Variants in TMEM207 observed in about 807,000 individuals in gnomAD.
The protein encoded by TMEM207 is SRSR846.
In TMEM207, 15 loss-of-function variants were observed where a neutral mutation model predicts 17.4. The observed-to-expected ratio is 0.86, with a 90% confidence interval of 0.58 to 1.33. The LOEUF is 1.33. Ranked by LOEUF, TMEM207 falls within the 40% of genes most tolerant of loss-of-function variation. TMEM207 has a pLI of 0.00. For synonymous variants in TMEM207, 70 were observed against 65.6 expected, an observed-to-expected ratio of 1.07 and a Z score of -0.33; for missense variants, 205 against 173.8, an observed-to-expected ratio of 1.18 and a Z score of -1.01.
At chr3:190,439,644 T>C (rs895202890) in intron 4 of TMEM207, among the ~76,000 whole-genome samples, 52 of 152,214 alleles carry the variant, frequency 3.4e-4, no homozygotes, top group African/African-American at 1.2e-3. Context: ...TTTCCTCTGT[T>C]CTTTACTTCC....
At chr3:190,440,130 A>G (rs964665703) in intron 4 of TMEM207, 114 bp downstream of exon 4, 13 of 1,315,238 alleles carry the variant, frequency 9.9e-6, no homozygotes, top group African/African-American at 8.9e-5. Flanking sequence ...GGTGTCTCCA[A>G]TAAGCCACAT....
rs1400422559 is a variant in TMEM207 at position 190,429,326 on chromosome 3, T to C, written c.*269A>G. 2.7e-6 allele frequency: 1 copy of C among 376,086 alleles called. No homozygotes were observed. The highest frequency in any genetic ancestry group is 4.8e-6 in the Non-Finnish European group (1 of 206,194). 23.3% of individuals were successfully genotyped at this position (376,086 alleles called of 1,614,324 possible). A position where few individuals can be genotyped will look rare whatever the true frequency, so the allele number is the denominator to read the frequency against. Reference sequence around the variant, plus strand: ...ACTTCCAGCACCTAATTGTTGCCTGTTTGGATACTAGTGGAGAAGCATTAA... The same window carrying C: ...ACTTCCAGCACCTAATTGTTGCCTGCTTGGATACTAGTGGAGAAGCATTAA... On this transcript the variant is annotated 3_prime_UTR_variant, in exon 5 of 5. Transcript: ENST00000354905.
chr3:190,435,740 T>C (rs186499733), intron 4 of TMEM207, among the ~76,000 whole-genome samples: 3 of 152,186 alleles, frequency 2.0e-5, no homozygotes, highest in Admixed American at 1.3e-4. Context: ...AGCAGAGTAC[T>C]GTGAAAAGAC....
At chr3:190,449,655 T>G in intron 1 of TMEM207, 80 bp downstream of exon 1, 1 of 1,310,460 alleles carries the variant, frequency 7.6e-7, no homozygotes. Context: ...GTTGCTCACA[T>G]ATAAATCTAT....
intron 2 of TMEM207, among the ~76,000 whole-genome samples, chr3:190,443,426 C>T (rs115515634): frequency 0.023 from 3,539 of 151,938 alleles, 62 homozygotes; most frequent in South Asian, 0.06. Context: ...GCTGGTGCAC[C>T]CTCTGGTGGA....
chr3:190,437,434 G>A (rs911926747), intron 4 of TMEM207, among the ~76,000 whole-genome samples: 10 of 152,148 alleles, frequency 6.6e-5, no homozygotes, highest in African/African-American at 2.4e-4. Flanking sequence ...ATAAATAACA[G>A]TCACTTTTCC....
At chr3:190,439,260 A>AG (rs1719878246) in intron 4 of TMEM207, among the ~76,000 whole-genome samples, 1 of 151,992 alleles carries the variant, frequency 6.6e-6, no homozygotes, top group Non-Finnish European at 1.5e-5. Flanking sequence ...TTGAAGGAAA[A>AG]AAAAAAAGCT....
At chr3:190,434,271 C>T (rs527681351) in intron 4 of TMEM207, among the ~76,000 whole-genome samples, 2 of 152,164 alleles carry the variant, frequency 1.3e-5, no homozygotes, top group Non-Finnish European at 2.9e-5. Context: ...ACCTGTACTC[C>T]CATAATTCCC....
intron 2 of TMEM207, among the ~76,000 whole-genome samples, chr3:190,443,145 C>CTTTTTTTTTTTTTTTTTTTTTT (rs201791052): frequency 7.1e-6 from 1 of 140,336 alleles, no homozygotes; most frequent in African/African-American, 2.6e-5. Context: ...ATTAAAAAAG[C>CTTTTTTTTTTTTTTTTTTTTTT]TTTTTTTTTT....
rs1023202115 is a variant in TMEM207, at chr3:190,441,399, C to T, written c.158+39G>A. ...TATTTAGGACAAAGACTGTATATAC[C>T]ACCAACTGTCATATAAAACAAATGG... On this transcript the variant is annotated intron_variant, in intron 3 of 4. Transcript: ENST00000354905. The T allele has an allele frequency of 3.9e-6, 6 of 1,520,336 alleles. No homozygotes were observed. The African/African-American group carries it at 6.9e-5, about 17-fold the overall frequency. 94.2% of individuals were successfully genotyped at this position (1,520,336 alleles called of 1,614,324 possible).
intron 2 of TMEM207, among the ~76,000 whole-genome samples, chr3:190,446,757 A>C (rs1227530380): frequency 6.6e-6 from 1 of 152,204 alleles, no homozygotes; most frequent in Non-Finnish European, 1.5e-5. Flanking sequence ...TTAGAGTTAG[A>C]TTCAACATTT....
chr3:190,444,430 T>TGTGG, intron 2 of TMEM207: 1 of 985,092 alleles, frequency 1.0e-6, no homozygotes, highest in Non-Finnish European at 1.2e-6. Context: ...TCTAACCTCA[T>TGTGG]AGTACCATGT....
At chr3:190,431,103 AGGGTGGAG>A (rs1396768885) in intron 4 of TMEM207, among the ~76,000 whole-genome samples, 22 of 152,262 alleles carry the variant, frequency 1.4e-4, no homozygotes, top group Non-Finnish European at 2.5e-4. Flanking sequence ...AAGTATGTAA[AGGGTGGAG>A]CTGTGTTTAG....
chr3:190,441,078 A>C (rs1719926585), intron 3 of TMEM207, among the ~76,000 whole-genome samples: 2 of 152,188 alleles, frequency 1.3e-5, no homozygotes, highest in African/African-American at 2.4e-5. Context: ...CAGAGAAAAA[A>C]AAAAATCTGA....
Position 190,449,799 on chromosome 3 carries a change from G to T in TMEM207, c.11C>A (p.Ser4Tyr). Residue 4 changes from serine to tyrosine, a missense_variant, in exon 1 of 5, where the codon TCC becomes TAC. Coordinates refer to ENST00000354905, the MANE Select transcript of TMEM207 (RefSeq NM_207316.3). MSR[S>Y]RLFSVTSAIS... ...CGCTGAGGTGACACTGAAAAGTCTG[G>T]ATCTTGACATATTTAAAGGACAGTC... 6.2e-7 allele frequency: 1 copy of T among 1,613,742 alleles called. No homozygotes were observed. Among genetic ancestry groups the T allele is most frequent in the Non-Finnish European group, 8.5e-7 (1 of 1,179,744 alleles).
At chr3:190,448,675 G>T (rs1720100888) in intron 1 of TMEM207, among the ~76,000 whole-genome samples, 1 of 152,084 alleles carries the variant, frequency 6.6e-6, no homozygotes, top group Non-Finnish European at 1.5e-5. Flanking sequence ...TATTTTCCTG[G>T]ACTATAACAC....
intron 4 of TMEM207, among the ~76,000 whole-genome samples, chr3:190,435,432 C>T (rs151256559): frequency 4.6e-5 from 7 of 152,284 alleles, no homozygotes; most frequent in Non-Finnish European, 1.0e-4. Context: ...AAGGCCCTAT[C>T]TTCAAATATA....
chr3:190,442,689 G>A (rs1449142347), intron 2 of TMEM207, among the ~76,000 whole-genome samples: 1 of 151,848 alleles, frequency 6.6e-6, no homozygotes, highest in Non-Finnish European at 1.5e-5. Context: ...AAAAAAAAAT[G>A]GCAACTGAAG....
chr3:190,438,366 C>G (rs1719850865), intron 4 of TMEM207, among the ~76,000 whole-genome samples: 1 of 151,316 alleles, frequency 6.6e-6, no homozygotes, highest in African/African-American at 2.4e-5. Context: ...TTGCCCGTCA[C>G]TCAGTGCTAG....
Sources: gnomAD v4.1 joint callset for allele counts (sites outside exome capture counted in the v4.1 genomes callset) on GRCh38, gnomAD v4.1.1 for gene constraint, MANE v1.5 for transcripts, NCBI Gene and HGNC (gene_info 2026-07-23, HGNC 2026-07-21) for gene names.